Variants in KAZN observed in about 807,000 individuals in gnomAD.
KAZN encodes kazrin, periplakin interacting protein, also known as kazrin.
Under a neutral mutation model 87.4 loss-of-function variants are expected in KAZN, and 40 were observed. That is an observed-to-expected ratio of 0.46 (90% confidence interval 0.36 to 0.60). The LOEUF is 0.60. Ranked by LOEUF, KAZN falls within the 20% of genes least tolerant of loss-of-function variation. KAZN has a pLI of 0.00. For missense variants in KAZN, 898 were observed against 1,073.9 expected (o/e 0.84, Z 2.29); for synonymous variants, 466 against 458.3 (o/e 1.02, Z -0.22).
chr1:14,521,543 G>A (rs530607573), intron 2 of KAZN, among the ~76,000 whole-genome samples: 7 of 152,292 alleles, frequency 4.6e-5, no homozygotes, highest in African/African-American at 1.7e-4. Flanking sequence ...TGAAGCTCTG[G>A]CCTATCTTTA....
At chr1:14,472,388 C>T (rs775960127) in intron 2 of KAZN, among the ~76,000 whole-genome samples, 5 of 152,262 alleles carry the variant, frequency 3.3e-5, no homozygotes, top group South Asian at 2.1e-4. Flanking sequence ...AGTCTATTCA[C>T]GGTAATCATT....
intron 8 of KAZN, among the ~76,000 whole-genome samples, chr1:15,075,219 C>T (rs1350401485): frequency 1.3e-5 from 2 of 152,170 alleles, no homozygotes; most frequent in African/African-American, 2.4e-5. Context: ...GGTTCTGGAA[C>T]CCAGGGCTCC....
chr1:14,607,435 G>A (rs1340126034), intron 1 of KAZN, among the ~76,000 whole-genome samples: 3 of 152,172 alleles, frequency 2.0e-5, no homozygotes, highest in Non-Finnish European at 4.4e-5. Flanking sequence ...GGATGCTCTG[G>A]AGCTTGGCAT....
intron 8 of KAZN, chr1:15,067,629 T>C: frequency 1.0e-6 from 1 of 985,424 alleles, no homozygotes; most frequent in Non-Finnish European, 1.2e-6. Flanking sequence ...CTAGAGTATC[T>C]CTATCAGAAG....
At chr1:15,101,925 G>A (rs541835656) in intron 11 of KAZN, among the ~76,000 whole-genome samples, 151 bp downstream of exon 11, 3 of 152,056 alleles carry the variant, frequency 2.0e-5, no homozygotes, top group South Asian at 4.2e-4. Flanking sequence ...TTGATCATCC[G>A]TCCATCCATC....
chr1:14,759,081 T>A (rs1380033450), intron 1 of KAZN, among the ~76,000 whole-genome samples: 2 of 152,150 alleles, frequency 1.3e-5, no homozygotes, highest in East Asian at 1.9e-4. Context: ...GAGGGAGGAT[T>A]CTCTTGGAGA....
At chr1:14,195,117 A>T (rs1570985760) in intron 2 of KAZN, among the ~76,000 whole-genome samples, 1 of 152,208 alleles carries the variant, frequency 6.6e-6, no homozygotes, top group Non-Finnish European at 1.5e-5. Flanking sequence ...ACAGCTTATT[A>T]TAGAAGAAAA....
intron 12 of KAZN, 93 bp downstream of exon 12, chr1:15,103,553 T>C: frequency 2.4e-6 from 2 of 828,814 alleles, no homozygotes; most frequent in Admixed American, 2.0e-5. Context: ...CACATGCAAA[T>C]CAATATGCAG....
chr1:14,722,398 T>C (rs975060040), intron 1 of KAZN, among the ~76,000 whole-genome samples: 1 of 152,222 alleles, frequency 6.6e-6, no homozygotes, highest in African/African-American at 2.4e-5. Flanking sequence ...TATAATATTC[T>C]ATCTAATTAA....
chr1:14,899,292 G>A (rs1403332072), intron 1 of KAZN, among the ~76,000 whole-genome samples: 1 of 152,206 alleles, frequency 6.6e-6, no homozygotes, highest in East Asian at 1.9e-4. Flanking sequence ...CCAGTGACGT[G>A]TCCCCTCTGG....
intron 2 of KAZN, among the ~76,000 whole-genome samples, chr1:14,466,228 A>AGAG (rs1668119006): frequency 6.6e-6 from 1 of 151,878 alleles, no homozygotes; most frequent in Non-Finnish European, 1.5e-5. Flanking sequence ...GAGAGAGCTC[A>AGAG]CTCTACACTG....
At chr1:15,019,350 G>T (rs969928792) in intron 2 of KAZN, among the ~76,000 whole-genome samples, 1 of 152,194 alleles carries the variant, frequency 6.6e-6, no homozygotes, top group Non-Finnish European at 1.5e-5. Flanking sequence ...TACCAGCTGG[G>T]TCAGTGTAAT....
chr1:14,923,173 C>T lies in KAZN; in HGVS notation c.227-37511C>T, dbSNP rs750979002. ...GCTGCCTACAAGGGGAGGCTGGGGG[C>T]TCCATGAGTGTGTGACTGACTCCTC... On this transcript the variant is annotated intron_variant, in intron 1 of 14. Coordinates refer to ENST00000376030, the MANE Select transcript of KAZN (RefSeq NM_201628.3). The surrounding 1 kb of genome is among the most constrained non-coding windows in gnomAD (Gnocchi z 4.2). Among the ~76,000 whole-genome samples, 2 of 152,164 alleles carry T rather than the reference C, an allele frequency of 1.3e-5. No homozygotes were observed. The highest frequency in any genetic ancestry group is 6.5e-5 in the Admixed American group (1 of 15,286).
chr1:14,649,459 G>A (rs1249736314), intron 1 of KAZN, among the ~76,000 whole-genome samples: 2 of 152,152 alleles, frequency 1.3e-5, no homozygotes, highest in African/African-American at 4.8e-5. Context: ...TGGGAAAATG[G>A]CTAACGGTTC....
At chr1:13,932,008 AT>A (rs35231877) in intron 1 of KAZN, among the ~76,000 whole-genome samples, 48,782 of 122,884 alleles carry the variant, frequency 0.4, 7,997 homozygotes, top group Middle Eastern at 0.44. Flanking sequence ...GGCTTGGCTA[AT>A]TTTTTTTTTT....
At chr1:14,052,748 C>T (rs145402802) in intron 1 of KAZN, among the ~76,000 whole-genome samples, 3 of 152,272 alleles carry the variant, frequency 2.0e-5, no homozygotes, top group African/African-American at 7.2e-5. Flanking sequence ...GAGGCCTTTT[C>T]CTCTCTGAAG....
intron 2 of KAZN, among the ~76,000 whole-genome samples, chr1:14,363,538 A>G (rs115693340): frequency 1.3e-5 from 2 of 152,330 alleles, no homozygotes; most frequent in Middle Eastern, 3.4e-3. Context: ...TTTCTGAAAC[A>G]GGTTTTCTCA....
chr1:13,973,100 C>T (rs1642192850), intron 1 of KAZN, among the ~76,000 whole-genome samples: 1 of 151,934 alleles, frequency 6.6e-6, no homozygotes, highest in Non-Finnish European at 1.5e-5. Flanking sequence ...CCTTTTCCTC[C>T]TCCCCTTCAT....
At chr1:14,114,730 G>T (rs941232277) in intron 1 of KAZN, among the ~76,000 whole-genome samples, 2 of 152,174 alleles carry the variant, frequency 1.3e-5, no homozygotes, top group Non-Finnish European at 2.9e-5. Context: ...ATGACACACT[G>T]TCATTCTAGA....
Sources: allele counts gnomAD v4.1 joint callset (sites outside exome capture counted in the v4.1 genomes callset), GRCh38; gene constraint gnomAD v4.1.1; non-coding constraint Gnocchi (gnomAD v3.1); transcripts MANE v1.5; gene names NCBI Gene and HGNC (gene_info 2026-07-23, HGNC 2026-07-21).